MAP3K13: variants seen among roughly 807,000 people sequenced by gnomAD.
MAP3K13 encodes leucine zipper-bearing kinase.
MAP3K13 carries 52 observed loss-of-function variants against 104.0 expected under a neutral mutation model. The ratio of observed to expected loss-of-function variants is 0.50; its 90% CI spans 0.40 to 0.63. MAP3K13 has a LOEUF of 0.63. MAP3K13 is among the 20% of genes least tolerant of loss of function. The probability of loss-of-function intolerance (pLI) is 0.00; values close to 1 mark genes in which losing one functional copy is unlikely to be tolerated. For synonymous variants in MAP3K13, 394 were observed against 442.2 expected (o/e 0.89, Z 1.37); for missense variants, 914 against 1,218.5 (o/e 0.75, Z 3.72).
chr3:185,348,872 G>A (rs1293681096), intron 2 of MAP3K13, among the ~76,000 whole-genome samples: 4 of 152,108 alleles, frequency 2.6e-5, no homozygotes, highest in Non-Finnish European at 4.4e-5. Context: ...AGCTGAGATC[G>A]CGGCACTGCA....
At chr3:185,439,007 C>G (rs1022112300) in intron 3 of MAP3K13, among the ~76,000 whole-genome samples, 1 of 152,120 alleles carries the variant, frequency 6.6e-6, no homozygotes, top group Non-Finnish European at 1.5e-5. Flanking sequence ...TGATAAAACT[C>G]TGATTATAAA....
chr3:185,466,729 T>C, intron 9 of MAP3K13, 97 bp from the exon 10 acceptor site: 1 of 1,395,564 alleles, frequency 7.2e-7, no homozygotes, highest in East Asian at 2.3e-5. Context: ...AATAGCTAAA[T>C]GTGGCAGAAT....
chr3:185,396,264 A>G (rs9755026), intron 1 of MAP3K13, among the ~76,000 whole-genome samples: 146,562 of 152,076 alleles, frequency 0.96, 70,658 homozygotes, highest in East Asian at 1. Context: ...CCAGCTAGTC[A>G]GGAGGCTAAG....
Position 185,417,754 on chromosome 3 carries a change from C to T in MAP3K13, c.-85-10743C>T, listed in dbSNP as rs111854077. On this transcript the variant is annotated intron_variant, in intron 1 of 13. Transcript: ENST00000265026. Reference sequence around the variant, plus strand: ...CCGGAGCTTGTGATTCCTGGCCTGGCGAAGAATGGTGTTCCGGCGCATGGT... The same window carrying T: ...CCGGAGCTTGTGATTCCTGGCCTGGTGAAGAATGGTGTTCCGGCGCATGGT... The T allele has an allele frequency of 8.3e-4, 1,341 of 1,612,404 alleles. 8 individuals are homozygous for T. The African/African-American group carries it at 0.014, about 17-fold the overall frequency.
intron 5 of MAP3K13, 102 bp downstream of exon 5, chr3:185,448,049 G>C: frequency 7.8e-7 from 1 of 1,282,984 alleles, no homozygotes; most frequent in Admixed American, 1.8e-5. Flanking sequence ...ATATTCTTCA[G>C]TGTTGCTCAC....
chr3:185,310,198 C>A (rs915701325), intron 2 of MAP3K13, among the ~76,000 whole-genome samples: 15 of 152,154 alleles, frequency 9.9e-5, no homozygotes, highest in African/African-American at 3.6e-4. Flanking sequence ...ACTACAGCAA[C>A]AGGGAAACAA....
chr3:185,365,933 C>CTCCG (rs1408490810), intron 1 of MAP3K13, among the ~76,000 whole-genome samples: 2 of 23,872 alleles, frequency 8.4e-5, no homozygotes, highest in Non-Finnish European at 2.5e-4. Flanking sequence ...TTTCCCTTCC[C>CTCCG]TCCCTCCCTC....
intron 2 of MAP3K13, among the ~76,000 whole-genome samples, chr3:185,357,216 G>A (rs1184885317): frequency 6.6e-6 from 1 of 151,552 alleles, no homozygotes; most frequent in Non-Finnish European, 1.5e-5. Flanking sequence ...AGGCCGAGGC[G>A]GGCGGATCAC....
rs557956396 is a variant in MAP3K13 at position 185,300,624 on chromosome 3, C to T, written c.-86+14981C>T. Among the ~76,000 whole-genome samples the T allele has an allele frequency of 1.1e-3, 168 of 152,204 alleles. 1 individual carries two copies. Among genetic ancestry groups the T allele is most frequent in the African/African-American group, 3.9e-3 (161 of 41,530 alleles). Reference sequence around the variant, plus strand: ...TATTCTGCCTCAGCCTCCTGACTAGCTGGGACCACAGGTGCCTGGCATCAC... The same window carrying T: ...TATTCTGCCTCAGCCTCCTGACTAGTTGGGACCACAGGTGCCTGGCATCAC... On this transcript the variant is annotated intron_variant, in intron 2 of 14. Transcript: ENST00000424227.
At chr3:185,398,981 C>T (rs1335756571) in intron 1 of MAP3K13, among the ~76,000 whole-genome samples, 1 of 152,128 alleles carries the variant, frequency 6.6e-6, no homozygotes, top group Non-Finnish European at 1.5e-5. Context: ...AGCAGTGAAA[C>T]AATAAAGCTA....
intron 7 of MAP3K13, among the ~76,000 whole-genome samples, chr3:185,455,035 A>G (rs1197136045): frequency 6.2e-5 from 7 of 113,266 alleles, no homozygotes; most frequent in East Asian, 2.3e-4. Context: ...TGAGATATAT[A>G]TGATATATAT....
intron 1 of MAP3K13, among the ~76,000 whole-genome samples, chr3:185,409,749 G>A (rs1048192044): frequency 6.6e-6 from 1 of 152,156 alleles, no homozygotes; most frequent in Non-Finnish European, 1.5e-5. Context: ...GACAATAGAA[G>A]AATGGATAAA....
chr3:185,437,857 A>C (rs958509958), intron 3 of MAP3K13, among the ~76,000 whole-genome samples: 1 of 152,180 alleles, frequency 6.6e-6, no homozygotes, highest in Non-Finnish European at 1.5e-5. Context: ...ACATGGAAGT[A>C]CATGGAAGGG....
intron 1 of MAP3K13, among the ~76,000 whole-genome samples, chr3:185,407,116 A>G (rs889265191): frequency 6.6e-6 from 1 of 152,252 alleles, no homozygotes. Context: ...GATTTGCCTC[A>G]GTAAATGACG....
chr3:185,362,957 G>GCA (rs869143488), upstream of MAP3K13: 2,791 of 90,636 alleles, frequency 0.031, 82 homozygotes, highest in African/African-American at 0.098. Flanking sequence ...ACACACACAC[G>GCA]CACACACACA....
chr3:185,298,369 G>A (rs950652992), intron 2 of MAP3K13, among the ~76,000 whole-genome samples: 6 of 151,900 alleles, frequency 3.9e-5, no homozygotes, highest in Non-Finnish European at 8.8e-5. Flanking sequence ...CGTATTTCAA[G>A]GAAAGGAAAT....
chr3:185,482,760 T>G lies in MAP3K13; in HGVS notation c.*304T>G, dbSNP rs1718537500. On this transcript the variant is annotated 3_prime_UTR_variant, in exon 14 of 14. Transcript: ENST00000265026. The surrounding 1 kb of genome is among the most constrained non-coding windows in gnomAD (Gnocchi z 4.5). ...ATTTTTGTTTGACATTTTAACACTTTGTACTGCAAAGAGTGAACTATATAT... is the reference window on the plus strand; with the variant it reads ...ATTTTTGTTTGACATTTTAACACTTGGTACTGCAAAGAGTGAACTATATAT... 1 of 301,396 alleles carries G rather than the reference T, an allele frequency of 3.3e-6. No individual in the cohort carries two copies. The highest frequency in any genetic ancestry group is 5.1e-5 in the East Asian group (1 of 19,492). The allele number at this position is 301,396 out of a possible 1,614,324, so 18.7% of individuals were successfully genotyped here.
Position 185,485,625 on chromosome 3 carries a change from C to G in MAP3K13, c.*3169C>G, listed in dbSNP as rs1718679218. The G allele has an allele frequency of 6.6e-6, 1 of 151,900 alleles. No homozygotes were observed. Among genetic ancestry groups the G allele is most frequent in the Non-Finnish European group, 1.5e-5 (1 of 67,994 alleles). The allele number at this position is 151,900 out of a possible 1,614,324, so 9.4% of individuals were successfully genotyped here. ...GTTATCAGATGACTGTATCGCAGTG[C>G]TTGTGTTCAAGTACCCCTATTTAAT... On this transcript the variant is annotated 3_prime_UTR_variant, in exon 14 of 14. Transcript: ENST00000265026.
In MAP3K13 at chr3:185,483,463, T is replaced by G. The variant is rs1718570722; in HGVS notation, c.*1007T>G. The G allele has an allele frequency of 8.7e-6, 2 of 230,586 alleles. No homozygotes were observed. Among genetic ancestry groups the G allele is most frequent in the African/African-American group, 2.2e-5 (1 of 45,128 alleles). 14.3% of individuals were successfully genotyped at this position (230,586 alleles called of 1,614,324 possible). A position where few individuals can be genotyped will look rare whatever the true frequency, so the allele number is the denominator to read the frequency against. ...AGAAAAGGGTGAGAGAGGAAGAACATCTACAGTGGTGTTAGGAAAACGAAC... is the reference window on the plus strand; with the variant it reads ...AGAAAAGGGTGAGAGAGGAAGAACAGCTACAGTGGTGTTAGGAAAACGAAC... On this transcript the variant is annotated 3_prime_UTR_variant, in exon 14 of 14. Transcript: ENST00000265026.
Sources: gnomAD v4.1 joint callset for allele counts (sites outside exome capture counted in the v4.1 genomes callset) on GRCh38, gnomAD v4.1.1 for gene constraint, Gnocchi (gnomAD v3.1) non-coding constraint, MANE v1.5 for transcripts, NCBI Gene and HGNC (gene_info 2026-07-23, HGNC 2026-07-21) for gene names.